The following DTNB variants were observed in gnomAD, a reference collection of about 807,000 sequenced individuals.
The protein encoded by DTNB is DTN-B.
Under a neutral mutation model 90.7 loss-of-function variants are expected in DTNB, and 63 were observed. The observed-to-expected ratio is 0.69, with a 90% CI of 0.57 to 0.86. The LOEUF is 0.86. DTNB is among the 40% of genes least tolerant of loss of function. The probability of loss-of-function intolerance (pLI) is 0.00; values close to 1 mark genes in which losing one functional copy is unlikely to be tolerated. For missense variants in DTNB, 744 were observed against 807.1 expected (o/e 0.92, Z 0.95); for synonymous variants, 277 against 286.7 (o/e 0.97, Z 0.34).
chr2:25,454,225 C>T (rs1007079558), intron 11 of DTNB, among the ~76,000 whole-genome samples: 2 of 151,884 alleles, frequency 1.3e-5, no homozygotes, highest in African/African-American at 2.4e-5. Flanking sequence ...AATAGTGATG[C>T]TATTTAGTCA....
At chr2:25,585,546 G>A (rs1042707472) in intron 6 of DTNB, among the ~76,000 whole-genome samples, 2 of 152,050 alleles carry the variant, frequency 1.3e-5, no homozygotes, top group Non-Finnish European at 2.9e-5. Flanking sequence ...TTTAAAAGGG[G>A]AGAGGAGTAA....
At chr2:25,550,381 A>G (rs1020481951) in intron 8 of DTNB, among the ~76,000 whole-genome samples, 2 of 152,054 alleles carry the variant, frequency 1.3e-5, no homozygotes, top group African/African-American at 2.4e-5. Context: ...AAAGAGCGAG[A>G]CTCTGTCTCA....
At chr2:25,636,274 C>G (rs2148810695) in intron 3 of DTNB, among the ~76,000 whole-genome samples, 1 of 152,226 alleles carries the variant, frequency 6.6e-6, no homozygotes, top group South Asian at 2.1e-4. Flanking sequence ...AGTAAAGGAA[C>G]AACTGAACAT....
At chr2:25,669,744 G>T (rs1263691778) in intron 1 of DTNB, among the ~76,000 whole-genome samples, 1 of 152,120 alleles carries the variant, frequency 6.6e-6, no homozygotes, top group South Asian at 2.1e-4. Flanking sequence ...CCAACGCTTT[G>T]GGAGGATCAC....
chr2:25,611,851 T>C (rs2068717322), intron 4 of DTNB, among the ~76,000 whole-genome samples: 1 of 152,100 alleles, frequency 6.6e-6, no homozygotes. Context: ...TTAATGTTGG[T>C]CTAATACTTA....
At chr2:25,664,675 T>C (rs2084001129) in intron 1 of DTNB, among the ~76,000 whole-genome samples, 1 of 152,186 alleles carries the variant, frequency 6.6e-6, no homozygotes, top group Non-Finnish European at 1.5e-5. Context: ...CTTTGGAGAC[T>C]ATTGCTCTTT....
chr2:25,551,523 G>A (rs931568401), intron 8 of DTNB, among the ~76,000 whole-genome samples: 1 of 152,120 alleles, frequency 6.6e-6, no homozygotes, highest in African/African-American at 2.4e-5. Flanking sequence ...GCAGCTTCAG[G>A]GTCCCAGCAG....
chr2:25,585,575 T>A (rs2062240342), intron 6 of DTNB, among the ~76,000 whole-genome samples: 1 of 152,106 alleles, frequency 6.6e-6, no homozygotes, highest in Non-Finnish European at 1.5e-5. Flanking sequence ...AAATGAAAAA[T>A]CCAGTATCAA....
At chr2:25,605,680 C>T (rs1246799383) in intron 5 of DTNB, among the ~76,000 whole-genome samples, 2 of 152,136 alleles carry the variant, frequency 1.3e-5, no homozygotes, top group Non-Finnish European at 2.9e-5. Context: ...TTTTCTACTA[C>T]TGTATTTTTC....
intron 9 of DTNB, among the ~76,000 whole-genome samples, chr2:25,526,304 C>T (rs2077063787): frequency 1.4e-5 from 2 of 147,308 alleles, no homozygotes; most frequent in African/African-American, 2.5e-5. Flanking sequence ...AACGTGTCCA[C>T]CTCAGGGAGA....
intron 8 of DTNB, among the ~76,000 whole-genome samples, chr2:25,539,308 C>A (rs1015220604): frequency 4.6e-5 from 7 of 152,140 alleles, no homozygotes; most frequent in Non-Finnish European, 7.3e-5. Flanking sequence ...CTAAGCACTG[C>A]CAATTTGTTT....
At chr2:25,668,865 G>C (rs932732893) in intron 1 of DTNB, among the ~76,000 whole-genome samples, 1 of 146,178 alleles carries the variant, frequency 6.8e-6, no homozygotes, top group Non-Finnish European at 1.5e-5. Flanking sequence ...TGGCCAAAAC[G>C]GGGAAACAAC....
chr2:25,549,720 G>A (rs773511016), intron 8 of DTNB, among the ~76,000 whole-genome samples: 3 of 152,030 alleles, frequency 2.0e-5, no homozygotes, highest in Non-Finnish European at 4.4e-5. Context: ...TACTGCAGTG[G>A]AGTAATCATG....
intron 9 of DTNB, among the ~76,000 whole-genome samples, chr2:25,530,644 C>A (rs2077993199): frequency 6.6e-6 from 1 of 151,968 alleles, no homozygotes; most frequent in Non-Finnish European, 1.5e-5. Context: ...TAAATATAAA[C>A]AGGTATCTAA....
At chr2:25,486,850 G>C (rs749658444) in intron 9 of DTNB, among the ~76,000 whole-genome samples, 7 of 152,140 alleles carry the variant, frequency 4.6e-5, no homozygotes, top group Non-Finnish European at 1.0e-4. Flanking sequence ...TGAATACCTT[G>C]AGCACCAGAT....
At chr2:25,535,762 G>C (rs918640735) in intron 8 of DTNB, among the ~76,000 whole-genome samples, 2 of 142,906 alleles carry the variant, frequency 1.4e-5, no homozygotes, top group Non-Finnish European at 3.0e-5. Context: ...CTTCCCAGAC[G>C]GGGGTGGCCA....
chr2:25,415,655 A>G (rs1259050377), intron 16 of DTNB, among the ~76,000 whole-genome samples: 1 of 152,170 alleles, frequency 6.6e-6, no homozygotes, highest in African/African-American at 2.4e-5. Context: ...GAGGGGCTAA[A>G]GATTGAGTTA....
intron 16 of DTNB, among the ~76,000 whole-genome samples, chr2:25,396,507 T>C (rs1229285355): frequency 3.4e-5 from 5 of 147,978 alleles, no homozygotes; most frequent in Non-Finnish European, 4.5e-5. Context: ...CAAGACACTG[T>C]CTCAGGAGGA....
intron 15 of DTNB, 92 bp downstream of exon 15, chr2:25,427,443 C>T (rs947172062): frequency 7.8e-7 from 1 of 1,281,136 alleles, no homozygotes; most frequent in South Asian, 1.4e-5. Context: ...AAGCCTTTGG[C>T]CTCATCCTAT....
Sources: allele counts gnomAD v4.1 joint callset (sites outside exome capture counted in the v4.1 genomes callset), GRCh38; gene constraint gnomAD v4.1.1; transcripts MANE v1.5; gene names NCBI Gene and HGNC (gene_info 2026-07-23, HGNC 2026-07-21).